Variants in CNOT6 observed in about 807,000 individuals in gnomAD.
CNOT6 encodes the protein CCR4-NOT transcription complex subunit 6.
Under a neutral mutation model 61.2 loss-of-function variants are expected in CNOT6, and 12 were observed. The observed-to-expected ratio is 0.20, with a 90% confidence interval of 0.13 to 0.32. The LOEUF (loss-of-function observed/expected upper bound fraction) is 0.32. CNOT6 is among the 10% of genes least tolerant of loss of function. CNOT6 has a pLI of 1.00. For synonymous variants in CNOT6, 225 were observed against 240.6 expected (o/e 0.94, Z 0.60); for missense variants, 405 against 663.9 (o/e 0.61, Z 4.28).
chr5:180,519,891 T>C (rs1442389068), intron 1 of CNOT6, among the ~76,000 whole-genome samples: 1 of 151,094 alleles, frequency 6.6e-6, no homozygotes, highest in African/African-American at 2.4e-5. Flanking sequence ...TGGAGTACAG[T>C]GGCTCAATCT....
At chr5:180,511,315 A>C (rs907299014) in intron 1 of CNOT6, among the ~76,000 whole-genome samples, 13 of 152,062 alleles carry the variant, frequency 8.5e-5, no homozygotes, top group Non-Finnish European at 1.9e-4. Context: ...TTGTCTCTAC[A>C]AAATACAAAA....
At chr5:180,532,721 G>A (rs1157825156) in intron 2 of CNOT6, among the ~76,000 whole-genome samples, 2 of 152,294 alleles carry the variant, frequency 1.3e-5, no homozygotes, top group African/African-American at 4.8e-5. Flanking sequence ...TCTATCACCA[G>A]TCCCATGTTT....
rs1758491541 is a variant in CNOT6, at chr5:180,533,323, T to TATAC, written c.112+3938_112+3939insCATA. Among the ~76,000 whole-genome samples the TATAC allele has an allele frequency of 4.5e-5, 3 of 65,940 alleles. No homozygotes were observed. In the Admixed American group the frequency reaches 4.6e-4, roughly 10 times the overall value. 43.3% of individuals were successfully genotyped at this position (65,940 alleles called of 152,430 possible). A position where few individuals can be genotyped will look rare whatever the true frequency, so the allele number is the denominator to read the frequency against. On this transcript the variant is annotated intron_variant, in intron 2 of 11. Coordinates refer to ENST00000261951, the MANE Select transcript of CNOT6 (RefSeq NM_001370472.1). ...CCATGGATGAAAACCTATATATATATATATATATATATATATATATCACCG... is the reference window on the plus strand; with the variant it reads ...CCATGGATGAAAACCTATATATATATATACATATATATATATATATATATCACCG...
chr5:180,546,716 A>G (rs900530624), intron 2 of CNOT6, among the ~76,000 whole-genome samples: 3 of 152,174 alleles, frequency 2.0e-5, no homozygotes, highest in Admixed American at 1.3e-4. Context: ...GTAGATTTCC[A>G]TCTGGTATTT....
At chr5:180,533,145 C>T (rs1273745308) in intron 2 of CNOT6, among the ~76,000 whole-genome samples, 1 of 151,982 alleles carries the variant, frequency 6.6e-6, no homozygotes, top group Non-Finnish European at 1.5e-5. Flanking sequence ...GGGCAGGACC[C>T]TCTCTGGAAT....
intron 2 of CNOT6, among the ~76,000 whole-genome samples, chr5:180,533,214 TAGG>T (rs1758477758): frequency 6.6e-6 from 1 of 151,096 alleles, no homozygotes; most frequent in Non-Finnish European, 1.5e-5. Flanking sequence ...GAAAGGAGGA[TAGG>T]AGAAGGTCAT....
At chr5:180,533,448 C>T (rs899928421) in intron 2 of CNOT6, among the ~76,000 whole-genome samples, 1 of 151,460 alleles carries the variant, frequency 6.6e-6, no homozygotes, top group Non-Finnish European at 1.5e-5. Flanking sequence ...GCTCTGTTGC[C>T]CAGGCTGGAA....
At chr5:180,565,789 G>C in intron 6 of CNOT6, 31 bp from the exon 7 acceptor site, 1 of 1,535,566 alleles carries the variant, frequency 6.5e-7, no homozygotes, top group Non-Finnish European at 8.8e-7. Context: ...TCTGCCACAT[G>C]TGTGAATAAG....
chr5:180,547,495 G>A (rs963972072), intron 2 of CNOT6, among the ~76,000 whole-genome samples: 15 of 151,590 alleles, frequency 9.9e-5, no homozygotes, highest in Admixed American at 2.0e-4. Context: ...ATTCCAGCCT[G>A]GGCAACAGAG....
At chr5:180,566,460 C>T (rs1455028613) in intron 7 of CNOT6, among the ~76,000 whole-genome samples, 1 of 152,018 alleles carries the variant, frequency 6.6e-6, no homozygotes, top group Admixed American at 6.5e-5. Flanking sequence ...TAAAGTTCGT[C>T]GACCTCTGTG....
At chr5:180,520,218 C>T (rs867120619) in intron 1 of CNOT6, among the ~76,000 whole-genome samples, 1 of 152,126 alleles carries the variant, frequency 6.6e-6, no homozygotes, top group African/African-American at 2.4e-5. Flanking sequence ...TATTGTCAAC[C>T]TGAAATAATT....
Position 180,576,713 on chromosome 5 carries a change from A to G in CNOT6, c.*2513A>G, listed in dbSNP as rs999647671. The G allele has an allele frequency of 6.6e-6, 1 of 152,194 alleles. No homozygotes were observed. Among genetic ancestry groups the G allele is most frequent in the Admixed American group, 6.5e-5 (1 of 15,276 alleles). 9.4% of individuals were successfully genotyped at this position (152,194 alleles called of 1,614,324 possible). On this transcript the variant is annotated 3_prime_UTR_variant, in exon 12 of 12. Transcript: ENST00000261951. Reference sequence around the variant, plus strand: ...ATGAACAGTCACACCAAAATAGACTATGATGCTTTTGTTAAGAAAGGTTTC... The same window carrying G: ...ATGAACAGTCACACCAAAATAGACTGTGATGCTTTTGTTAAGAAAGGTTTC...
intron 1 of CNOT6, among the ~76,000 whole-genome samples, chr5:180,524,112 A>C (rs1329566723): frequency 6.6e-6 from 1 of 152,162 alleles, no homozygotes; most frequent in Non-Finnish European, 1.5e-5. Context: ...GATTGGTAAG[A>C]TGTTAACTAG....
At chr5:180,560,956 A>G (rs1262913776) in intron 4 of CNOT6, among the ~76,000 whole-genome samples, 5 of 31,410 alleles carry the variant, frequency 1.6e-4, no homozygotes, top group Admixed American at 4.6e-4. Context: ...GTTCTTATCT[A>G]TCTATCAATC....
At chr5:180,538,685 G>GTTAT (rs1758843740) in intron 2 of CNOT6, among the ~76,000 whole-genome samples, 1 of 84,244 alleles carries the variant, frequency 1.2e-5, no homozygotes, top group African/African-American at 5.4e-5. Context: ...CTGAGAAAAA[G>GTTAT]GTATATATAT....
chr5:180,566,013 T>C, intron 7 of CNOT6, 36 bp downstream of exon 7: 1 of 1,569,520 alleles, frequency 6.4e-7, no homozygotes, highest in Middle Eastern at 1.7e-4. Context: ...CTAGCATTGA[T>C]AAAGGAAGGA....
At chr5:180,569,011 TG>T in intron 9 of CNOT6, 98 bp from the exon 10 acceptor site, 1 of 850,488 alleles carries the variant, frequency 1.2e-6, no homozygotes, top group African/African-American at 1.7e-5. Context: ...TTTTCTATTC[TG>T]GGACTCTGAG....
At chr5:180,505,617 G>A (rs1305014016) in intron 1 of CNOT6, among the ~76,000 whole-genome samples, 3 of 142,158 alleles carry the variant, frequency 2.1e-5, no homozygotes, top group Non-Finnish European at 4.5e-5. Context: ...GCGCGATCTC[G>A]GCTCACTGCA....
rs1399323449 is a variant in CNOT6, at chr5:180,529,515, A to T, written c.112+127A>T. On this transcript the variant is annotated intron_variant, in intron 2 of 11. Coordinates refer to ENST00000261951, the MANE Select transcript of CNOT6 (RefSeq NM_001370472.1). ...TACAAATGTAATGTATTTATAAATGATTGTATTTTAGTAACTTATCTTAGA... is the reference window on the plus strand; with the variant it reads ...TACAAATGTAATGTATTTATAAATGTTTGTATTTTAGTAACTTATCTTAGA... 3 of 658,500 alleles carry T rather than the reference A, an allele frequency of 4.6e-6. No homozygotes were observed. The East Asian group carries it at 8.5e-5, about 19-fold the overall frequency. The allele number at this position is 658,500 out of a possible 1,614,324, so 40.8% of individuals were successfully genotyped here. A position where few individuals can be genotyped will look rare whatever the true frequency, so the allele number is the denominator to read the frequency against.
Sources: gnomAD v4.1 joint callset for allele counts (sites outside exome capture counted in the v4.1 genomes callset) on GRCh38, gnomAD v4.1.1 for gene constraint, MANE v1.5 for transcripts, NCBI Gene and HGNC (gene_info 2026-07-23, HGNC 2026-07-21) for gene names.